Variants in SH3GL2 observed in about 807,000 individuals in gnomAD.
The protein encoded by SH3GL2 is endophilin-A1.
A neutral mutation model predicts 46.0 loss-of-function variants in SH3GL2; 24 were observed. The ratio of observed to expected loss-of-function variants is 0.52; its 90% CI spans 0.38 to 0.73. The LOEUF (loss-of-function observed/expected upper bound fraction) is 0.73, where lower values mean the gene tolerates loss of function less well. SH3GL2 is among the 30% of genes least tolerant of loss of function. The pLI is 0.00. For missense variants in SH3GL2, 413 were observed against 424.2 expected, an observed-to-expected ratio of 0.97 and a Z score of 0.23; for synonymous variants, 196 against 147.1, an observed-to-expected ratio of 1.33 and a Z score of -2.40.
At chr9:17,643,323 G>A (rs2134648308) in intron 1 of SH3GL2, among the ~76,000 whole-genome samples, 1 of 152,314 alleles carries the variant, frequency 6.6e-6, no homozygotes, top group South Asian at 2.1e-4. Flanking sequence ...ATACAATCAT[G>A]TCATCTGCAG....
chr9:17,786,299 C>G lies in SH3GL2; in HGVS notation c.188-82C>G, dbSNP rs537343321. The G allele has an allele frequency of 5.9e-5, 79 of 1,347,240 alleles. No individual in the cohort carries two copies. In the African/African-American group the frequency reaches 9.4e-4, roughly 16 times the overall value. The allele number at this position is 1,347,240 out of a possible 1,614,324, so 83.5% of individuals were successfully genotyped here. A position where few individuals can be genotyped will look rare whatever the true frequency, so the allele number is the denominator to read the frequency against. On this transcript the variant is annotated intron_variant, in intron 3 of 8. Coordinates refer to ENST00000380607, the MANE Select transcript of SH3GL2 (RefSeq NM_003026.5). ...TAGCTGAGCTACTTTGTAGGCTGCT[C>G]TGAGACCTGATCCTCCATCCAGCCC... is the stretch of plus-strand genomic sequence containing the variant.
chr9:17,716,854 T>C (rs904743053), intron 1 of SH3GL2, among the ~76,000 whole-genome samples: 13 of 152,102 alleles, frequency 8.5e-5, no homozygotes, highest in African/African-American at 3.1e-4. Context: ...CTCACCTCAT[T>C]TGTTTCCTCT....
intron 1 of SH3GL2, among the ~76,000 whole-genome samples, chr9:17,714,035 C>T (rs1298885089): frequency 1.3e-5 from 2 of 151,498 alleles, no homozygotes; most frequent in African/African-American, 4.8e-5. Context: ...TGTGTTTTTG[C>T]TTCATGTATT....
chr9:17,720,242 G>T (rs2118337685), intron 1 of SH3GL2, among the ~76,000 whole-genome samples: 1 of 152,232 alleles, frequency 6.6e-6, no homozygotes, highest in East Asian at 1.9e-4. Context: ...TTTACAGACA[G>T]GAGGGGACAA....
chr9:17,787,700 A>G (rs1488547183), intron 5 of SH3GL2, among the ~76,000 whole-genome samples, 187 bp downstream of exon 5: 1 of 152,114 alleles, frequency 6.6e-6, no homozygotes, highest in Non-Finnish European at 1.5e-5. Context: ...GCCTGTTATG[A>G]CTGTGCCACT....
chr9:17,787,785 G>T (rs1395464223), intron 5 of SH3GL2, among the ~76,000 whole-genome samples: 4 of 152,036 alleles, frequency 2.6e-5, no homozygotes, highest in Non-Finnish European at 4.4e-5. Context: ...TTCTCCAGAG[G>T]ATAATATACT....
chr9:17,762,399 C>A (rs9407840), intron 3 of SH3GL2, among the ~76,000 whole-genome samples: 2,046 of 44,672 alleles, frequency 0.046, 58 homozygotes, highest in African/African-American at 0.092. Flanking sequence ...GACAAGTGAT[C>A]AAAAAAAAAA....
intron 6 of SH3GL2, 66 bp downstream of exon 6, chr9:17,789,616 C>A (rs754867510): frequency 1.3e-6 from 2 of 1,596,370 alleles, no homozygotes; most frequent in Non-Finnish European, 1.7e-6. Flanking sequence ...ATGTTAAAGG[C>A]CATAACCCTT....
intron 1 of SH3GL2, among the ~76,000 whole-genome samples, chr9:17,700,530 A>G (rs1821321229): frequency 6.6e-6 from 1 of 152,100 alleles, no homozygotes. Context: ...ATTGCTGAAT[A>G]TTTGTTTCTT....
intron 1 of SH3GL2, among the ~76,000 whole-genome samples, chr9:17,608,059 G>GT (rs1053010067): frequency 6.6e-6 from 1 of 150,526 alleles, no homozygotes; most frequent in South Asian, 2.1e-4. Flanking sequence ...TTGGGGGGCT[G>GT]TTTTGCACTT....
chr9:17,648,001 T>C (rs889582616), intron 1 of SH3GL2, among the ~76,000 whole-genome samples: 1 of 152,226 alleles, frequency 6.6e-6, no homozygotes, highest in Non-Finnish European at 1.5e-5. Context: ...TAATGGACAG[T>C]AAATATATAT....
At chr9:17,610,668 A>G (rs907374500) in intron 1 of SH3GL2, among the ~76,000 whole-genome samples, 1 of 152,170 alleles carries the variant, frequency 6.6e-6, no homozygotes, top group African/African-American at 2.4e-5. Context: ...TTTTTTGACG[A>G]AGAAGTTTAA....
At chr9:17,660,133 G>C (rs115068064) in intron 1 of SH3GL2, among the ~76,000 whole-genome samples, 114 of 152,318 alleles carry the variant, frequency 7.5e-4, no homozygotes, top group African/African-American at 2.7e-3. Flanking sequence ...TAAGATGTAT[G>C]CTAAATGCCT....
At chr9:17,791,763 G>T (rs1404004572) in intron 7 of SH3GL2, among the ~76,000 whole-genome samples, 2 of 152,214 alleles carry the variant, frequency 1.3e-5, no homozygotes, top group African/African-American at 2.4e-5. Context: ...GGGTCACTCA[G>T]TGGTGCAAGT....
At chr9:17,737,032 A>G (rs953747071) in intron 1 of SH3GL2, among the ~76,000 whole-genome samples, 2 of 152,174 alleles carry the variant, frequency 1.3e-5, no homozygotes, top group Non-Finnish European at 2.9e-5. Flanking sequence ...ATAAAAAAGG[A>G]TGAGTTCATG....
At chr9:17,637,750 C>T (rs1414500899) in intron 1 of SH3GL2, among the ~76,000 whole-genome samples, 2 of 152,162 alleles carry the variant, frequency 1.3e-5, no homozygotes, top group African/African-American at 4.8e-5. Context: ...TAAGTGGGTG[C>T]TTTATGGAGT....
chr9:17,655,843 G>GA (rs1198352911), intron 1 of SH3GL2, among the ~76,000 whole-genome samples: 1 of 152,136 alleles, frequency 6.6e-6, no homozygotes, highest in African/African-American at 2.4e-5. Flanking sequence ...CCTTCATCTG[G>GA]AACCAGCCTG....
intron 1 of SH3GL2, among the ~76,000 whole-genome samples, chr9:17,594,971 C>A (rs549059335): frequency 5.4e-4 from 82 of 152,116 alleles, no homozygotes; most frequent in African/African-American, 2.0e-3. Flanking sequence ...TAAAGCACAC[C>A]CTCATAAAAT....
At chr9:17,713,289 CTT>C (rs1821677145) in intron 1 of SH3GL2, among the ~76,000 whole-genome samples, 1 of 151,504 alleles carries the variant, frequency 6.6e-6, no homozygotes, top group African/African-American at 2.4e-5. Context: ...TTTATGTATT[CTT>C]TTCCTGTGAT....
Sources: gnomAD v4.1 joint callset for allele counts (sites outside exome capture counted in the v4.1 genomes callset) on GRCh38, gnomAD v4.1.1 for gene constraint, MANE v1.5 for transcripts, NCBI Gene and HGNC (gene_info 2026-07-23, HGNC 2026-07-21) for gene names.